The following MRC2 variants were observed in gnomAD, a reference collection of about 807,000 sequenced individuals.
The protein encoded by MRC2 is mannose receptor C-type 2, also known as C-type mannose receptor 2.
MRC2 carries 84 observed loss-of-function variants against 206.2 expected under a neutral mutation model. The observed-to-expected ratio is 0.41, with a 90% CI of 0.34 to 0.49. The LOEUF (loss-of-function observed/expected upper bound fraction) is 0.49. MRC2 is among the 20% of genes least tolerant of loss of function. MRC2 has a pLI of 0.31. For missense variants in MRC2, 1,676 were observed against 2,001.5 expected, an observed-to-expected ratio of 0.84 and a Z score of 3.10; for synonymous variants, 798 against 800.0, an observed-to-expected ratio of 1.00 and a Z score of 0.04.
At chr17:62,635,320 A>G (rs183558985) in intron 1 of MRC2, among the ~76,000 whole-genome samples, 41 of 151,458 alleles carry the variant, frequency 2.7e-4, no homozygotes, top group African/African-American at 9.5e-4. Context: ...AATACCAAAG[A>G]AAAAAAATCC....
Position 62,680,942 on chromosome 17 carries a change from G to A in MRC2, c.2616G>A (p.Leu872=). The change falls in exon 17 of 30, where the codon CTG becomes CTA. Residue 872 remains leucine (L), a synonymous_variant. Coordinates refer to ENST00000303375, the MANE Select transcript of MRC2 (RefSeq NM_006039.5). The surrounding 1 kb of genome is among the most constrained non-coding windows in gnomAD (Gnocchi z 4.8). ...SVHSQAELDF[L]SHNLQKFSRA... ...ACAGCCAGGCGGAGCTAGACTTCCT[G>A]AGCCACAACTTGCAGAAGGTGGGCA... The A allele has an allele frequency of 6.2e-7, 1 of 1,613,052 alleles. No individual in the cohort carries two copies. The highest frequency in any genetic ancestry group is 8.5e-7 in the Non-Finnish European group (1 of 1,179,836).
Position 62,664,703 on chromosome 17 carries a change from C to A in MRC2, c.274C>A (p.Gln92Lys), listed in dbSNP as rs199671179. The A allele has an allele frequency of 1.2e-6, 2 of 1,614,022 alleles. No individual in the cohort carries two copies. The highest frequency in any genetic ancestry group is 1.7e-6 in the Non-Finnish European group (2 of 1,180,040). The part of the protein sequence containing the change: ...RNRLFNLGTM[Q>K]CLGTGWPGTN... ...CCGGCTATTCAACCTGGGTACCATGCAGTGCCTGGGCACAGGCTGGCCAGG... is the reference window on the plus strand; with the variant it reads ...CCGGCTATTCAACCTGGGTACCATGAAGTGCCTGGGCACAGGCTGGCCAGG... The change falls in exon 2 of 30, where the codon CAG becomes AAG. Residue 92 changes from glutamine (Q) to lysine (K), a missense_variant. Around this residue, in one of 3 missense-constraint regions of MRC2, gnomAD observed 318 missense variants for 346.7 expected, o/e 0.92. Coordinates refer to ENST00000303375, the MANE Select transcript of MRC2 (RefSeq NM_006039.5). The surrounding 1 kb of genome is among the most constrained non-coding windows in gnomAD (Gnocchi z 4.7).
chr17:62,690,349 C>G, intron 26 of MRC2, 44 bp downstream of exon 26: 2 of 1,569,070 alleles, frequency 1.3e-6, no homozygotes, highest in South Asian at 2.3e-5. Context: ...GCAGGTGGCA[C>G]CTCCTCTCGT....
At chr17:62,634,997 A>G (rs1467534740) in intron 1 of MRC2, among the ~76,000 whole-genome samples, 1 of 151,554 alleles carries the variant, frequency 6.6e-6, no homozygotes, top group Non-Finnish European at 1.5e-5. Context: ...CGCCCAGCTA[A>G]TTTTTGTAGT....
chr17:62,631,843 C>G (rs539635186), intron 1 of MRC2, among the ~76,000 whole-genome samples: 17 of 152,290 alleles, frequency 1.1e-4, no homozygotes, highest in African/African-American at 3.6e-4. Flanking sequence ...CATGGTTGTT[C>G]ATTCATTCAT....
chr17:62,692,521 C>G lies in MRC2; in HGVS notation c.*70C>G. 3 of 1,419,246 alleles carry G rather than the reference C, an allele frequency of 2.1e-6. No homozygotes were observed. Among genetic ancestry groups the G allele is most frequent in the South Asian group, 2.6e-5 (2 of 76,584 alleles). 87.9% of individuals were successfully genotyped at this position (1,419,246 alleles called of 1,614,324 possible). ...TGGGGCCCTGGGTCAGTCTGGCCCC[C>G]CACCAGCTGCCTGTCCAGTTGGCCT... On this transcript the variant is annotated 3_prime_UTR_variant, in exon 30 of 30. Transcript: ENST00000303375. This position sits in a 1 kb window ranked among gnomAD's most constrained non-coding sequence, Gnocchi z 4.2.
At position 62,680,510 on chromosome 17, in the gene MRC2, G is replaced by A; in HGVS notation, c.2473+57G>A. ...TCGCGTGGGAGAGGGCGTCAACTCT[G>A]GGGTAAGTCCCGAGAGGCCTGAATG... On this transcript the variant is annotated intron_variant, in intron 16 of 29. Coordinates refer to ENST00000303375, the MANE Select transcript of MRC2 (RefSeq NM_006039.5). The surrounding 1 kb of genome is among the most constrained non-coding windows in gnomAD (Gnocchi z 4.8). 6.2e-7 allele frequency: 1 copy of A among 1,605,632 alleles called. No individual in the cohort carries two copies. The highest frequency in any genetic ancestry group is 1.7e-5 in the Admixed American group (1 of 59,838).
chr17:62,682,251 G>A lies in MRC2; in HGVS notation c.2820G>A (p.Gln940=), dbSNP rs1444781084. 2 of 1,598,490 alleles carry A rather than the reference G, an allele frequency of 1.3e-6. No homozygotes were observed. Among genetic ancestry groups the A allele is most frequent in the Non-Finnish European group, 1.7e-6 (2 of 1,171,944 alleles). ...MTASREDWGD[Q]RCLTALPYIC... is the part of the protein sequence containing the mutation. ...TTTCCGCAGAGGACTGGGGGGACCA[G>A]AGGTGCCTGACAGCCTTGCCCTACA... The change falls in exon 20 of 30, where the codon CAG becomes CAA. Residue 940 remains glutamine, a synonymous_variant. Transcript: ENST00000303375.
chr17:62,677,910 T>C (rs917796974), intron 12 of MRC2, among the ~76,000 whole-genome samples: 1 of 151,812 alleles, frequency 6.6e-6, no homozygotes, highest in South Asian at 2.1e-4. Context: ...ATTAGCCAGG[T>C]GTGGTGGCAG....
chr17:62,653,479 C>A (rs544117044), intron 1 of MRC2, among the ~76,000 whole-genome samples: 1 of 152,318 alleles, frequency 6.6e-6, no homozygotes, highest in South Asian at 2.1e-4. Context: ...GACAGTCCCA[C>A]CTCTCCACCC....
intron 18 of MRC2, chr17:62,681,473 G>A: frequency 2.1e-6 from 1 of 470,880 alleles, no homozygotes; most frequent in Non-Finnish European, 3.8e-6. Context: ...ATGATCCGGG[G>A]GCCTCTTTGT....
chr17:62,638,645 G>A (rs1313966411), intron 1 of MRC2, among the ~76,000 whole-genome samples: 1 of 151,342 alleles, frequency 6.6e-6, no homozygotes, highest in Non-Finnish European at 1.5e-5. Context: ...GAGTGAGGTA[G>A]GAGTATCGCT....
chr17:62,636,187 G>C (rs1419133510), intron 1 of MRC2, among the ~76,000 whole-genome samples: 1 of 151,656 alleles, frequency 6.6e-6, no homozygotes, highest in Non-Finnish European at 1.5e-5. Context: ...CCAGGAGTTG[G>C]AGGCTGCAGT....
rs374282848 is a variant in MRC2, at chr17:62,680,257, G to A, written c.2386G>A (p.Val796Met). Residue 796 changes from valine to methionine, a missense_variant, in exon 15 of 30, where the codon GTG becomes ATG. Val to Met is a conservative substitution (Grantham distance 21, BLOSUM62 1). Coordinates refer to ENST00000303375, the MANE Select transcript of MRC2 (RefSeq NM_006039.5). The surrounding 1 kb of genome is among the most constrained non-coding windows in gnomAD (Gnocchi z 4.8). ...GCTGGACCTGGCCTCCCTGCAGTGG[G>A]TGGCCATGCAGTGCGACACACAGCT... ...AVLDLASLQW[V>M]AMQCDTQLDW... The A allele has an allele frequency of 1.2e-5, 19 of 1,614,000 alleles. No individual in the cohort carries two copies. The Middle Eastern group carries it at 8.2e-4, about 70-fold the overall frequency.
rs763097558 is a variant in MRC2 at position 62,691,000 on chromosome 17, G to A, written c.4064G>A (p.Gly1355Glu). Residue 1355 changes from glycine (G) to glutamate (E), a missense_variant, in exon 28 of 30, where the codon GGG (glycine) becomes GAG (glutamate). Coordinates refer to ENST00000303375, the MANE Select transcript of MRC2 (RefSeq NM_006039.5). ...DNTAVNYSNW[G>E]PPGLGPSMLS... ...ACAGCTGTGAACTACTCCAACTGGGGGCCCCCGGGCTTGGGCCCCAGCATG... is the reference window on the plus strand; with the variant it reads ...ACAGCTGTGAACTACTCCAACTGGGAGCCCCCGGGCTTGGGCCCCAGCATG... 13 of 1,608,848 alleles carry A rather than the reference G, an allele frequency of 8.1e-6. No individual in the cohort carries two copies. The Admixed American group carries it at 2.2e-4, about 27-fold the overall frequency.
intron 1 of MRC2, among the ~76,000 whole-genome samples, chr17:62,639,719 G>A (rs571969981): frequency 6.6e-6 from 1 of 152,272 alleles, no homozygotes; most frequent in East Asian, 1.9e-4. Flanking sequence ...CAAACTCCTG[G>A]GCTTAAGCAA....
In MRC2 at chr17:62,671,106, G is replaced by A. The variant is rs1322673762; in HGVS notation, c.1118-543G>A. ...GCATTGATTGAGATAAGGTCTTGCTGTGTCGCCCAGGCTGGAGTTTAGTGG... is the reference window on the plus strand; with the variant it reads ...GCATTGATTGAGATAAGGTCTTGCTATGTCGCCCAGGCTGGAGTTTAGTGG... On this transcript the variant is annotated intron_variant, in intron 6 of 29. Coordinates refer to ENST00000303375, the MANE Select transcript of MRC2 (RefSeq NM_006039.5). The surrounding 1 kb of genome is among the most constrained non-coding windows in gnomAD (Gnocchi z 4.5). Among the ~76,000 whole-genome samples the A allele has an allele frequency of 6.6e-6, 1 of 152,136 alleles. No individual in the cohort carries two copies. Among genetic ancestry groups the A allele is most frequent in the Non-Finnish European group, 1.5e-5 (1 of 68,034 alleles).
chr17:62,671,740 G>C lies in MRC2; in HGVS notation c.1209G>C (p.Trp403Cys), dbSNP rs2088828584. Residue 403 changes from tryptophan (W) to cysteine (C), a missense_variant, in exon 7 of 30, where the codon TGG becomes TGC. Physicochemically the swap from Trp to Cys is radical, Grantham distance 215. This residue lies in a region of MRC2 where 1,354 missense variants were observed against 1,636.6 expected (regional missense o/e 0.83). Transcript: ENST00000303375. The surrounding 1 kb of genome is among the most constrained non-coding windows in gnomAD (Gnocchi z 4.5). ...CYRLQAEKRS[W>C]QESKKACLRG... Reference sequence around the variant, plus strand: ...GCCTGCAGGCCGAGAAGCGCAGCTGGCAGGAGTCCAAGAAGGCATGTCTAC... The same window carrying C: ...GCCTGCAGGCCGAGAAGCGCAGCTGCCAGGAGTCCAAGAAGGCATGTCTAC... 6.2e-7 allele frequency: 1 copy of C among 1,613,248 alleles called. No individual in the cohort carries two copies. The highest frequency in any genetic ancestry group is 1.7e-5 in the Admixed American group (1 of 59,962).
chr17:62,674,263 TGG>T, intron 9 of MRC2, 93 bp downstream of exon 9: 3 of 908,740 alleles, frequency 3.3e-6, no homozygotes, highest in Non-Finnish European at 4.9e-6. Context: ...CTGCCTCGCA[TGG>T]CATCGCCCTC....
Sources: allele counts gnomAD v4.1 joint callset (sites outside exome capture counted in the v4.1 genomes callset), GRCh38; gene constraint gnomAD v4.1.1; regional missense constraint gnomAD v4.1.1; non-coding constraint Gnocchi (gnomAD v3.1); transcripts MANE v1.5; gene names NCBI Gene and HGNC (gene_info 2026-07-23, HGNC 2026-07-21).